NEK7: variants seen among roughly 807,000 people sequenced by gnomAD.
The protein encoded by NEK7 is serine/threonine-protein kinase Nek7.
Under a neutral mutation model 44.6 loss-of-function variants are expected in NEK7, and 18 were observed. The ratio of observed to expected loss-of-function variants is 0.40; its 90% CI spans 0.28 to 0.60. NEK7 has a LOEUF of 0.60. Ranked by LOEUF, NEK7 falls within the 20% of genes least tolerant of loss-of-function variation. NEK7 has a pLI of 0.38. For missense variants in NEK7, 256 were observed against 366.5 expected, an observed-to-expected ratio of 0.70 and a Z score of 2.46; for synonymous variants, 130 against 121.1, an observed-to-expected ratio of 1.07 and a Z score of -0.48.
intron 9 of NEK7, among the ~76,000 whole-genome samples, chr1:198,307,664 C>A (rs773484786): frequency 6.6e-6 from 1 of 152,072 alleles, no homozygotes; most frequent in Non-Finnish European, 1.5e-5. Flanking sequence ...GCCATCTTAC[C>A]ACTGCGTTCA....
At chr1:198,288,683 T>TCC (rs1278958500) in intron 7 of NEK7, among the ~76,000 whole-genome samples, 2 of 152,142 alleles carry the variant, frequency 1.3e-5, no homozygotes, top group African/African-American at 4.8e-5. Flanking sequence ...CTTATAATAG[T>TCC]CCCCGTTTTC....
chr1:198,225,507 G>T (rs774146080), intron 1 of NEK7, among the ~76,000 whole-genome samples: 5 of 152,046 alleles, frequency 3.3e-5, no homozygotes, highest in Non-Finnish European at 5.9e-5. Flanking sequence ...CTGTCCTATT[G>T]CTAAAAAGAT....
intron 9 of NEK7, among the ~76,000 whole-genome samples, chr1:198,300,754 CAGAGTT>C (rs1328779314): frequency 6.6e-6 from 1 of 152,168 alleles, no homozygotes; most frequent in Non-Finnish European, 1.5e-5. Flanking sequence ...GCAGGAATCT[CAGAGTT>C]AGATTAAAGG....
chr1:198,231,211 A>G (rs1022799899), intron 1 of NEK7, among the ~76,000 whole-genome samples: 52 of 149,542 alleles, frequency 3.5e-4, no homozygotes, highest in African/African-American at 1.2e-3. Flanking sequence ...ATAGTGTACT[A>G]TTGTTGTTAG....
chr1:198,247,512 G>C (rs935855556), intron 2 of NEK7, among the ~76,000 whole-genome samples: 1 of 152,146 alleles, frequency 6.6e-6, no homozygotes, highest in Non-Finnish European at 1.5e-5. Flanking sequence ...AAGTTGTGGG[G>C]ACGAAAATGG....
intron 9 of NEK7, among the ~76,000 whole-genome samples, chr1:198,301,565 A>G (rs1654887146): frequency 6.6e-6 from 1 of 152,220 alleles, no homozygotes; most frequent in Admixed American, 6.5e-5. Context: ...CAAACAAACA[A>G]AAAAGCATAA....
rs1655549372 is a variant in NEK7 at position 198,322,102 on chromosome 1, A to T, written c.*2580A>T. On this transcript the variant is annotated 3_prime_UTR_variant, in exon 10 of 10. Transcript: ENST00000367385. ...TGCTTTACCATTCAACATAGTATCT[A>T]TTACAAAACACCTTTCTTGTATCCA... The T allele has an allele frequency of 1.3e-5, 2 of 152,162 alleles. No homozygotes were observed. Among genetic ancestry groups the T allele is most frequent in the South Asian group, 4.1e-4 (2 of 4,834 alleles). 9.4% of individuals were successfully genotyped at this position (152,162 alleles called of 1,614,324 possible).
chr1:198,319,430 A>G lies in NEK7; in HGVS notation c.817A>G (p.Met273Val). Reference protein sequence around the residue: ...YSEELRQLVNMCINPDPEKRP... With the variant: ...YSEELRQLVNVCINPDPEKRP... Reference sequence around the variant, plus strand: ...TTCACAGCTCCGACAGTTAGTTAATATGTGCATCAACCCAGATCCAGAGAA... The same window carrying G: ...TTCACAGCTCCGACAGTTAGTTAATGTGTGCATCAACCCAGATCCAGAGAA... Residue 273 changes from methionine to valine, a missense_variant, in exon 10 of 10, where the codon ATG (methionine) becomes GTG (valine). Coordinates refer to ENST00000367385, the MANE Select transcript of NEK7 (RefSeq NM_133494.3). 1 of 1,611,518 alleles carries G rather than the reference A, an allele frequency of 6.2e-7. No homozygotes were observed. The highest frequency in any genetic ancestry group is 8.5e-7 in the Non-Finnish European group (1 of 1,178,512).
At chr1:198,228,443 A>G (rs200647456) in intron 1 of NEK7, among the ~76,000 whole-genome samples, 8 of 152,072 alleles carry the variant, frequency 5.3e-5, no homozygotes, top group Non-Finnish European at 1.2e-4. Flanking sequence ...CATTGAATCT[A>G]TAAATTACCT....
chr1:198,274,203 A>AT (rs1444670534), intron 5 of NEK7, among the ~76,000 whole-genome samples: 1 of 133,666 alleles, frequency 7.5e-6, no homozygotes, highest in African/African-American at 3.1e-5. Context: ...TTTAATTAAC[A>AT]TTTTTCCTAA....
intron 1 of NEK7, among the ~76,000 whole-genome samples, chr1:198,177,637 A>G (rs904141083): frequency 6.6e-6 from 1 of 152,094 alleles, no homozygotes; most frequent in Non-Finnish European, 1.5e-5. Flanking sequence ...AATAGTACAA[A>G]ATGTCAGAAT....
chr1:198,159,277 T>A (rs1215007161), intron 1 of NEK7, among the ~76,000 whole-genome samples: 1 of 151,868 alleles, frequency 6.6e-6, no homozygotes, highest in Non-Finnish European at 1.5e-5. Context: ...GGCGCCAGGC[T>A]GAGGGCCAGC....
chr1:198,252,567 T>TA (rs1553253623), intron 2 of NEK7, among the ~76,000 whole-genome samples: 7 of 50,992 alleles, frequency 1.4e-4, no homozygotes, highest in African/African-American at 6.6e-4. Flanking sequence ...TATATATATA[T>TA]AAAAAGTACA....
chr1:198,237,824 G>A (rs1480576305), intron 2 of NEK7, among the ~76,000 whole-genome samples: 2 of 151,812 alleles, frequency 1.3e-5, no homozygotes, highest in African/African-American at 4.8e-5. Context: ...TCACCTTCTC[G>A]ATCACTCAAT....
At chr1:198,203,483 C>T (rs778074813) in intron 1 of NEK7, among the ~76,000 whole-genome samples, 5 of 152,198 alleles carry the variant, frequency 3.3e-5, no homozygotes, top group Non-Finnish European at 7.3e-5. Context: ...AAGACAAACA[C>T]ACAAGAACTC....
At chr1:198,183,898 TA>T (rs1389630256) in intron 1 of NEK7, among the ~76,000 whole-genome samples, 2 of 152,212 alleles carry the variant, frequency 1.3e-5, no homozygotes, top group Admixed American at 1.3e-4. Context: ...GAAGAAAATG[TA>T]AAAACAATTT....
intron 1 of NEK7, among the ~76,000 whole-genome samples, chr1:198,214,753 A>G (rs947361199): frequency 2.0e-5 from 3 of 152,188 alleles, no homozygotes; most frequent in African/African-American, 4.8e-5. Flanking sequence ...TGGAAAACCT[A>G]TTTGAGGGAA....
At chr1:198,249,766 C>A (rs916331390) in intron 2 of NEK7, among the ~76,000 whole-genome samples, 3 of 139,404 alleles carry the variant, frequency 2.2e-5, no homozygotes, top group South Asian at 2.5e-4. Context: ...TGTTTGAGTT[C>A]ATTGTAGATT....
chr1:198,221,572 T>C (rs1421879171), intron 1 of NEK7, among the ~76,000 whole-genome samples: 2 of 151,726 alleles, frequency 1.3e-5, no homozygotes, highest in Non-Finnish European at 1.5e-5. Context: ...TAAAACTATA[T>C]AATTGGCCAA....
Sources: allele counts gnomAD v4.1 joint callset (sites outside exome capture counted in the v4.1 genomes callset), GRCh38; gene constraint gnomAD v4.1.1; transcripts MANE v1.5; gene names NCBI Gene and HGNC (gene_info 2026-07-23, HGNC 2026-07-21).